Variants in NOA1 observed in about 807,000 individuals in gnomAD.
NOA1 encodes nitric oxide associated 1.
In NOA1, 35 loss-of-function variants were observed where a neutral mutation model predicts 58.4. The observed-to-expected ratio is 0.60, with a 90% CI of 0.46 to 0.79. The LOEUF (loss-of-function observed/expected upper bound fraction) is 0.79. Ranked by LOEUF, NOA1 falls within the 30% of genes least tolerant of loss-of-function variation. The pLI, the probability that NOA1 is intolerant of heterozygous loss-of-function variation, is 0.00. For synonymous variants in NOA1, 397 were observed against 373.4 expected, an observed-to-expected ratio of 1.06 and a Z score of -0.73; for missense variants, 895 against 894.6, an observed-to-expected ratio of 1.00 and a Z score of -0.01.
chr4:56,963,527 T>G lies in NOA1; in HGVS notation c.2020A>C (p.Ser674Arg), dbSNP rs770104365. ...VNIKGQRIKK[S>R]VAYKTKKPPS... ...GGCTTCTTGGTTTTATAGGCCACAC[T>G]TTTCTTGATGCGCTGTCCTTTGATG... Residue 674 changes from serine to arginine, a missense_variant, in exon 7 of 7, where the codon AGT becomes CGT. Ser to Arg is a moderately radical substitution (Grantham distance 110). This residue lies in a region of NOA1 where 212 missense variants were observed against 221.3 expected (regional missense o/e 0.96). Coordinates refer to ENST00000264230, the MANE Select transcript of NOA1 (RefSeq NM_032313.4). The G allele has an allele frequency of 6.2e-7, 1 of 1,614,142 alleles. No homozygotes were observed. Among genetic ancestry groups the G allele is most frequent in the Non-Finnish European group, 8.5e-7 (1 of 1,180,030 alleles).
At chr4:56,974,566 C>T (rs889614724) in intron 1 of NOA1, among the ~76,000 whole-genome samples, 13 of 151,200 alleles carry the variant, frequency 8.6e-5, no homozygotes, top group African/African-American at 2.9e-4. Context: ...GCAGGAGAAT[C>T]GCTTGAACCT....
chr4:56,968,752 A>C (rs1030770634), intron 3 of NOA1, among the ~76,000 whole-genome samples: 5 of 152,224 alleles, frequency 3.3e-5, no homozygotes, highest in South Asian at 4.1e-4. Context: ...AAATAACTTT[A>C]TAGGTGTATG....
At chr4:56,966,328 G>A (rs978686473) in intron 5 of NOA1, among the ~76,000 whole-genome samples, 2 of 152,078 alleles carry the variant, frequency 1.3e-5, no homozygotes, top group African/African-American at 4.8e-5. Flanking sequence ...CCTGGCCACT[G>A]AGCAAATTTT....
At chr4:56,970,413 T>G (rs770676415) in intron 3 of NOA1, among the ~76,000 whole-genome samples, 3 of 151,264 alleles carry the variant, frequency 2.0e-5, no homozygotes, top group Non-Finnish European at 4.4e-5. Flanking sequence ...TGAAGTTACT[T>G]GATCACGCCA....
At position 56,976,601 on chromosome 4, in the gene NOA1, A is replaced by C. The variant is rs765604007; in HGVS notation, c.985T>G (p.Ser329Ala). Residue 329 changes from serine (S) to alanine (A), a missense_variant, in exon 1 of 7, where the codon TCT becomes GCT. Around this residue, in one of 3 missense-constraint regions of NOA1, gnomAD observed 680 missense variants for 656.5 expected, o/e 1.04. Coordinates refer to ENST00000264230, the MANE Select transcript of NOA1 (RefSeq NM_032313.4). Reference sequence around the variant, plus strand: ...TAGCGCCAGGAGCGCTGAAGGGCAGAGATCAACTCTTCCACTCCATAGCCG... The same window carrying C: ...TAGCGCCAGGAGCGCTGAAGGGCAGCGATCAACTCTTCCACTCCATAGCCG... ...KTGYGVEELI[S>A]ALQRSWRYRG... 2 of 1,614,086 alleles carry C rather than the reference A, an allele frequency of 1.2e-6. No homozygotes were observed. Among genetic ancestry groups the C allele is most frequent in the African/African-American group, 2.7e-5 (2 of 74,934 alleles).
At chr4:56,971,597 T>C (rs758274107) in intron 3 of NOA1, among the ~76,000 whole-genome samples, 1 of 152,176 alleles carries the variant, frequency 6.6e-6, no homozygotes, top group Non-Finnish European at 1.5e-5. Flanking sequence ...TGTAGGGAGA[T>C]ACAGAGATAA....
chr4:56,975,635 T>C (rs1721893203), intron 1 of NOA1, among the ~76,000 whole-genome samples: 2 of 152,044 alleles, frequency 1.3e-5, no homozygotes. Context: ...CCCAGCACTT[T>C]GGGATGCTGA....
At chr4:56,965,667 A>C (rs1721688733) in intron 5 of NOA1, among the ~76,000 whole-genome samples, 1 of 150,690 alleles carries the variant, frequency 6.6e-6, no homozygotes, top group Admixed American at 6.7e-5. Flanking sequence ...GAGTTCGGGG[A>C]ACTATAGCTT....
intron 5 of NOA1, among the ~76,000 whole-genome samples, 189 bp from the exon 6 acceptor site, chr4:56,964,715 T>C (rs939345872): frequency 6.6e-6 from 1 of 152,196 alleles, no homozygotes; most frequent in African/African-American, 2.4e-5. Flanking sequence ...TGTGATGGGA[T>C]GAAGCTTACA....
rs61747375 is a variant in NOA1 at position 56,963,503 on chromosome 4, G to T, written c.2044C>A (p.Pro682Thr). ...CTCACGTTGTACATAAGGGAAGGAG[G>T]CTTCTTGGTTTTATAGGCCACACTT... ...KKSVAYKTKK[P>T]PSLMYNVRKK... The change falls in exon 7 of 7, where the codon CCT (proline) becomes ACT (threonine). Residue 682 changes from proline to threonine, a missense_variant. Pro to Thr is a conservative substitution (Grantham distance 38). This residue lies in a region of NOA1 where 212 missense variants were observed against 221.3 expected (regional missense o/e 0.96). Transcript: ENST00000264230. 1.2e-6 allele frequency: 2 copies of T among 1,614,008 alleles called. No homozygotes were observed. The highest frequency in any genetic ancestry group is 1.7e-5 in the Admixed American group (1 of 59,986).
chr4:56,963,608 T>A lies in NOA1; in HGVS notation c.1939A>T (p.Thr647Ser). The change falls in exon 7 of 7, where the codon ACA (threonine) becomes TCA (serine). Residue 647 changes from threonine (T) to serine (S), a missense_variant. Thr to Ser is a moderately conservative substitution (Grantham distance 58, BLOSUM62 1). Coordinates refer to ENST00000264230, the MANE Select transcript of NOA1 (RefSeq NM_032313.4). Reference protein sequence around the residue: ...FKDRLHLRGYTPEGTVLTVRP... With the variant: ...FKDRLHLRGYSPEGTVLTVRP... ...ACGGTCAAAACTGTTCCTTCAGGTG[T>A]ATAGCCTCGGAGATGCAGTCTGTCC... is the stretch of plus-strand genomic sequence containing the variant. 6.2e-7 allele frequency: 1 copy of A among 1,614,172 alleles called. No homozygotes were observed. The highest frequency in any genetic ancestry group is 2.2e-5 in the East Asian group (1 of 44,882).
At position 56,966,672 on chromosome 4, in the gene NOA1, A is replaced by C. The variant is rs768396319; in HGVS notation, c.1712T>G (p.Leu571Trp). The C allele has an allele frequency of 9.9e-6, 16 of 1,613,928 alleles. No homozygotes were observed. The highest frequency in any genetic ancestry group is 1.4e-5 in the Non-Finnish European group (16 of 1,179,902). Residue 571 changes from leucine (L) to tryptophan (W), a missense_variant, in exon 5 of 7, where the codon TTG becomes TGG. Around this residue, in one of 3 missense-constraint regions of NOA1, gnomAD observed 212 missense variants for 221.3 expected, o/e 0.96. Transcript: ENST00000264230. ...SNILPVHITS[L>W]DRADALYQKH... Reference sequence around the variant, plus strand: ...CTGATACAGAGCGTCTGCCCTGTCCAAGGAGGTGATATGCACAGGGAGGAT... The same window carrying C: ...CTGATACAGAGCGTCTGCCCTGTCCCAGGAGGTGATATGCACAGGGAGGAT...
intron 1 of NOA1, 24 bp downstream of exon 1, chr4:56,976,418 G>C (rs750545643): frequency 5.4e-5 from 86 of 1,590,502 alleles, no homozygotes; most frequent in Admixed American, 1.0e-4. Flanking sequence ...AGGAAACGAA[G>C]AGGGCGAGCC....
At chr4:56,975,864 C>T (rs139001704) in intron 1 of NOA1, among the ~76,000 whole-genome samples, 1 of 151,470 alleles carries the variant, frequency 6.6e-6, no homozygotes, top group Non-Finnish European at 1.5e-5. Context: ...GACAAGACTC[C>T]GTCTCAAAAA....
chr4:56,973,122 G>A, intron 3 of NOA1, 26 bp downstream of exon 3: 1 of 1,596,518 alleles, frequency 6.3e-7, no homozygotes. Context: ...GAAAGTAAAT[G>A]TTTCTAAAAG....
Position 56,973,184 on chromosome 4 carries a change from C to G in NOA1, c.1479G>C (p.Trp493Cys). The part of the protein sequence containing the change: ...LTAQDVKDAH[W>C]FYDTPGITKE... ...TTGTAATTCCAGGGGTGTCATAAAA[C>G]CAGTGGGCATCTTTCACATCTTGTG... Residue 493 changes from tryptophan (W) to cysteine (C), a missense_variant, in exon 3 of 7, where the codon TGG becomes TGC. By Grantham distance (215) the Trp-to-Cys change is radical. This residue lies in a region of NOA1 where 680 missense variants were observed against 656.5 expected (regional missense o/e 1.04). Transcript: ENST00000264230. 1 of 1,614,064 alleles carries G rather than the reference C, an allele frequency of 6.2e-7. No individual in the cohort carries two copies. The highest frequency in any genetic ancestry group is 8.5e-7 in the Non-Finnish European group (1 of 1,180,006).
intron 5 of NOA1, among the ~76,000 whole-genome samples, chr4:56,965,583 A>G (rs1721687705): frequency 6.6e-6 from 1 of 152,154 alleles, no homozygotes; most frequent in Non-Finnish European, 1.5e-5. Flanking sequence ...ATTTTGAGAA[A>G]TGAGTCAAAG....
intron 3 of NOA1, among the ~76,000 whole-genome samples, chr4:56,970,179 C>T (rs1721788366): frequency 6.6e-6 from 1 of 151,994 alleles, no homozygotes; most frequent in Non-Finnish European, 1.5e-5. Flanking sequence ...GTCTGTAGTT[C>T]CCAGCTACCC....
Position 56,973,846 on chromosome 4 carries a change from G to C in NOA1, c.1309+12C>G, listed in dbSNP as rs1721851289. The C allele has an allele frequency of 4.3e-6, 7 of 1,613,042 alleles. No individual in the cohort carries two copies. The highest frequency in any genetic ancestry group is 5.1e-6 in the Non-Finnish European group (6 of 1,179,422). On this transcript the variant is annotated intron_variant, in intron 2 of 6. Transcript: ENST00000264230. The stretch of plus-strand genomic sequence containing the variant: ...TAGTACCAACGAGGGTTTTCCCATA[G>C]AGGATGCTTACCTACGACATAACCA...
Sources: gnomAD v4.1 joint callset for allele counts (sites outside exome capture counted in the v4.1 genomes callset) on GRCh38, gnomAD v4.1.1 for gene constraint, gnomAD v4.1.1 regional missense constraint, MANE v1.5 for transcripts, NCBI Gene and HGNC (gene_info 2026-07-23, HGNC 2026-07-21) for gene names.